NOS1: variants seen among roughly 807,000 people sequenced by gnomAD.
NOS1 encodes the protein NOS type I.
A neutral mutation model predicts 164.5 loss-of-function variants in NOS1; 51 were observed. The ratio of observed to expected loss-of-function variants is 0.31; its 90% CI spans 0.25 to 0.39. The LOEUF is 0.39. NOS1 is among the 10% of genes least tolerant of loss of function. NOS1 has a pLI of 1.00. For missense variants in NOS1, 1,362 were observed against 1,885.6 expected (o/e 0.72, Z 5.14); for synonymous variants, 719 against 745.8 (o/e 0.96, Z 0.59).
rs1566026535 is a variant in NOS1 at position 117,225,108 on chromosome 12, G to A, written c.3734C>T (p.Pro1245Leu). The change falls in exon 25 of 29, where the codon CCC (proline) becomes CTC (leucine). Residue 1245 changes from proline (P) to leucine (L), a missense_variant. By Grantham distance (98) the Pro-to-Leu change is moderately conservative (BLOSUM62 -3). Coordinates refer to ENST00000317775, the MANE Select transcript of NOS1 (RefSeq NM_000620.5). ...GAPSFHLPRN[P>L]QVPCILVGPG... ...TCCAACGAGGATGCAGGGGACTTGG[G>A]GGTTCCGGGGCAGGTGGAAGCTGGG... 3 of 1,613,936 alleles carry A rather than the reference G, an allele frequency of 1.9e-6. No homozygotes were observed. Among genetic ancestry groups the A allele is most frequent in the East Asian group, 2.2e-5 (1 of 44,886 alleles).
chr12:117,253,682 G>T lies in NOS1; in HGVS notation c.2604C>A (p.Asp868Glu). 1 of 1,614,034 alleles carries T rather than the reference G, an allele frequency of 6.2e-7. No homozygotes were observed. Among genetic ancestry groups the T allele is most frequent in the Non-Finnish European group, 8.5e-7 (1 of 1,180,006 alleles). The change falls in exon 17 of 29, where the codon GAC (aspartate) becomes GAA (glutamate). Residue 868 changes from aspartate to glutamate, a missense_variant. Asp to Glu is a conservative substitution (Grantham distance 45). This residue lies in a region of NOS1 where 737 missense variants were observed against 1,030.3 expected (regional missense o/e 0.72). Coordinates refer to ENST00000317775, the MANE Select transcript of NOS1 (RefSeq NM_000620.5). The part of the protein sequence containing the change: ...DSQKSSGDGP[D>E]LRDNFESAGP... ...CAGCACTCTCAAAGTTGTCTCTGAG[G>T]TCGGGCCCATCGCCTGATGATTTTT...
At chr12:117,218,492 T>G (rs1041056896) in intron 27 of NOS1, among the ~76,000 whole-genome samples, 3 of 152,024 alleles carry the variant, frequency 2.0e-5, no homozygotes, top group Non-Finnish European at 2.9e-5. Flanking sequence ...CACCATTCCC[T>G]CTTTCCTCCC....
chr12:117,280,892 G>A (rs773701638), intron 7 of NOS1, 26 bp from the exon 8 acceptor site: 9 of 1,610,766 alleles, frequency 5.6e-6, no homozygotes, highest in South Asian at 1.1e-5. Context: ...GGGAACACCC[G>A]GCATCAGGGC....
intron 1 of NOS1, among the ~76,000 whole-genome samples, chr12:117,335,156 G>A (rs1001432016): frequency 1.3e-5 from 2 of 152,240 alleles, no homozygotes; most frequent in East Asian, 1.9e-4. Flanking sequence ...ATAACGATTC[G>A]GACTTCCTGG....
chr12:117,302,594 CAAAAAA>C (rs144113071), intron 3 of NOS1, among the ~76,000 whole-genome samples: 2 of 72,966 alleles, frequency 2.7e-5, no homozygotes, highest in African/African-American at 5.5e-5. Context: ...GACTCCGTCT[CAAAAAA>C]AAAAAAAAAA....
chr12:117,264,777 T>A (rs923669908), intron 12 of NOS1, among the ~76,000 whole-genome samples: 13 of 151,418 alleles, frequency 8.6e-5, no homozygotes, highest in Non-Finnish European at 1.6e-4. Context: ...TGGAGTTCAG[T>A]GGCTTGATAT....
chr12:117,236,230 T>C (rs978905657), intron 20 of NOS1, among the ~76,000 whole-genome samples: 15 of 152,196 alleles, frequency 9.9e-5, no homozygotes, highest in Non-Finnish European at 8.8e-5. Flanking sequence ...TTTCAGTGGC[T>C]AGAGACGCTT....
intron 9 of NOS1, among the ~76,000 whole-genome samples, chr12:117,274,816 G>A (rs1873053124): frequency 6.8e-6 from 1 of 147,800 alleles, no homozygotes; most frequent in Non-Finnish European, 1.5e-5. Context: ...ATGTCAAAGT[G>A]ATACCTACAA....
At chr12:117,347,349 C>A (rs1876402401) in intron 1 of NOS1, among the ~76,000 whole-genome samples, 1 of 151,452 alleles carries the variant, frequency 6.6e-6, no homozygotes, top group Non-Finnish European at 1.5e-5. Flanking sequence ...GAGGTTTCAT[C>A]AAAGATAGAA....
intron 28 of NOS1, among the ~76,000 whole-genome samples, 182 bp downstream of exon 28, chr12:117,217,864 C>T (rs1228287645): frequency 6.6e-6 from 1 of 152,204 alleles, no homozygotes; most frequent in Admixed American, 6.5e-5. Context: ...CATCCTAACT[C>T]CTGAGTTTCA....
At chr12:117,267,325 G>A (rs1872496440) in intron 11 of NOS1, among the ~76,000 whole-genome samples, 2 of 152,130 alleles carry the variant, frequency 1.3e-5, no homozygotes, top group South Asian at 2.1e-4. Flanking sequence ...CGTGATTCAC[G>A]CCTGTAATCC....
In NOS1 at chr12:117,227,449, C is replaced by T. The variant is rs367781841; in HGVS notation, c.3598G>A (p.Val1200Ile). The change falls in exon 23 of 29, where the codon GTT becomes ATT. Residue 1200 changes from valine to isoleucine, a missense_variant. Val to Ile is a conservative substitution (Grantham distance 29). Coordinates refer to ENST00000317775, the MANE Select transcript of NOS1 (RefSeq NM_000620.5). ...PDEVHLTVAI[V>I]SYRTRDGEGP... ...CGCCCACCTCGAGTGCGGTAGGAAA[C>T]GATGGCCACAGTGAGGTGCACTTCA... is the stretch of plus-strand genomic sequence containing the variant. The T allele has an allele frequency of 1.4e-5, 22 of 1,613,740 alleles. No individual in the cohort carries two copies. Among genetic ancestry groups the T allele is most frequent in the South Asian group, 9.9e-5 (9 of 90,986 alleles).
chr12:117,327,679 G>A lies in NOS1; in HGVS notation c.725+2666C>T, dbSNP rs1474841597. The stretch of plus-strand genomic sequence containing the variant: ...ACGCATGCATCTACCTCACTGAGAC[G>A]TCACACAATGCTGTGTGTATTCGGT... On this transcript the variant is annotated intron_variant, in intron 2 of 28. Transcript: ENST00000317775. Among the ~76,000 whole-genome samples the A allele has an allele frequency of 5.9e-5, 9 of 152,200 alleles. No individual in the cohort carries two copies. In the South Asian group the frequency reaches 1.2e-3, roughly 21 times the overall value.
rs980254791 is a variant in NOS1, at chr12:117,272,139, A to T, written c.1839+246T>A. Among the ~76,000 whole-genome samples the T allele has an allele frequency of 6.6e-6, 1 of 152,184 alleles. No homozygotes were observed. The highest frequency in any genetic ancestry group is 1.5e-5 in the Non-Finnish European group (1 of 68,034). On this transcript the variant is annotated intron_variant, in intron 10 of 28. Coordinates refer to ENST00000317775, the MANE Select transcript of NOS1 (RefSeq NM_000620.5). The surrounding 1 kb of genome is among the most constrained non-coding windows in gnomAD (Gnocchi z 4.3). The stretch of plus-strand genomic sequence containing the variant: ...TCAGGTGAGGATGAAATGAGAATGG[A>T]ACACAGCAACAGTGCTTCGGATGCT...
In NOS1 at chr12:117,226,709, G is replaced by A. The variant is rs781446114; in HGVS notation, c.3678C>T (p.Asp1226=). Residue 1226 remains aspartate, a synonymous_variant, in exon 24 of 29, where the codon GAC becomes GAT. Transcript: ENST00000317775. The part of the protein sequence containing the change: ...CSSWLNRIQA[D]ELVPCFVRGA... The stretch of plus-strand genomic sequence containing the variant: ...CTCTCACGAAACAGGGGACCAGTTC[G>A]TCAGCCTGTATCCGGTTGAGCCAGG... The A allele has an allele frequency of 3.9e-5, 63 of 1,613,716 alleles. No homozygotes were observed. The East Asian group carries it at 7.4e-4, about 19-fold the overall frequency.
chr12:117,342,825 A>G (rs1461092209), intron 1 of NOS1, among the ~76,000 whole-genome samples: 2 of 152,110 alleles, frequency 1.3e-5, no homozygotes, highest in Non-Finnish European at 2.9e-5. Flanking sequence ...GAGATGAGCA[A>G]TGATGGTGGT....
intron 13 of NOS1, among the ~76,000 whole-genome samples, chr12:117,262,244 A>G (rs1193841415): frequency 6.6e-6 from 1 of 152,096 alleles, no homozygotes; most frequent in Non-Finnish European, 1.5e-5. Flanking sequence ...TAATAGTGTA[A>G]TTAATGTTTT....
chr12:117,221,010 C>T (rs1326589059), intron 26 of NOS1, among the ~76,000 whole-genome samples: 1 of 152,112 alleles, frequency 6.6e-6, no homozygotes, highest in South Asian at 2.1e-4. Context: ...CCCCAACCTG[C>T]CACGATGTCC....
chr12:117,317,877 A>C (rs1420020161), intron 2 of NOS1, among the ~76,000 whole-genome samples: 1 of 152,138 alleles, frequency 6.6e-6, no homozygotes, highest in Non-Finnish European at 1.5e-5. Flanking sequence ...GGCTTGCTAA[A>C]GTTCAGATTC....
Sources: allele counts gnomAD v4.1 joint callset (sites outside exome capture counted in the v4.1 genomes callset), GRCh38; gene constraint gnomAD v4.1.1; regional missense constraint gnomAD v4.1.1; non-coding constraint Gnocchi (gnomAD v3.1); transcripts MANE v1.5; gene names NCBI Gene and HGNC (gene_info 2026-07-23, HGNC 2026-07-21).